MBOAT2: variants seen among roughly 807,000 people sequenced by gnomAD.
MBOAT2 encodes the protein membrane-bound glycerophospholipid O-acyltransferase 2.
A neutral mutation model predicts 63.4 loss-of-function variants in MBOAT2; 28 were observed. The ratio of observed to expected loss-of-function variants is 0.44; its 90% CI spans 0.33 to 0.61. The LOEUF is 0.61. MBOAT2 is among the 20% of genes least tolerant of loss of function. The pLI, the probability that MBOAT2 is intolerant of heterozygous loss-of-function variation, is 0.03. For synonymous variants in MBOAT2, 211 were observed against 215.6 expected (o/e 0.98, Z 0.19); for missense variants, 470 against 605.8 (o/e 0.78, Z 2.35).
chr2:8,928,555 A>G (rs1027377858), intron 3 of MBOAT2, among the ~76,000 whole-genome samples: 3 of 152,222 alleles, frequency 2.0e-5, no homozygotes, highest in African/African-American at 4.8e-5. Context: ...CATAACTTAC[A>G]TAAATAATAG....
chr2:8,906,347 G>A (rs1209045110), intron 4 of MBOAT2, among the ~76,000 whole-genome samples: 1 of 152,152 alleles, frequency 6.6e-6, no homozygotes, highest in Non-Finnish European at 1.5e-5. Context: ...TGATCTATGA[G>A]GCCACGTGAC....
At chr2:8,984,095 T>C (rs1049940916) in intron 1 of MBOAT2, among the ~76,000 whole-genome samples, 1 of 152,098 alleles carries the variant, frequency 6.6e-6, no homozygotes, top group African/African-American at 2.4e-5. Flanking sequence ...ATAACATACC[T>C]CACATGTGAA....
At chr2:8,897,607 G>T (rs138830552) in intron 4 of MBOAT2, among the ~76,000 whole-genome samples, 1 of 152,340 alleles carries the variant, frequency 6.6e-6, no homozygotes, top group Non-Finnish European at 1.5e-5. Context: ...GTCCCTGGGG[G>T]AAGAGGCTTA....
At chr2:8,883,780 ATC>A (rs1404807986) in intron 5 of MBOAT2, among the ~76,000 whole-genome samples, 1 of 152,216 alleles carries the variant, frequency 6.6e-6, no homozygotes, top group African/African-American at 2.4e-5. Context: ...TATGACAAGG[ATC>A]ATCACAACTT....
At chr2:8,924,706 C>T (rs1445629867) in intron 3 of MBOAT2, among the ~76,000 whole-genome samples, 2 of 139,422 alleles carry the variant, frequency 1.4e-5, no homozygotes, top group Non-Finnish European at 3.1e-5. Flanking sequence ...GGTTCAGCTG[C>T]TTTTTTTTTT....
intron 3 of MBOAT2, among the ~76,000 whole-genome samples, chr2:8,929,086 G>A (rs749390834): frequency 1.4e-4 from 22 of 152,086 alleles, no homozygotes; most frequent in Non-Finnish European, 3.1e-4. Context: ...TATGTCAGCA[G>A]ACACAAAAAT....
In MBOAT2 at chr2:8,908,605, A is replaced by G. The variant is rs148285562; in HGVS notation, c.395+16T>C. On this transcript the variant is annotated intron_variant, in intron 4 of 12. Coordinates refer to ENST00000305997, the MANE Select transcript of MBOAT2 (RefSeq NM_138799.4). ...AATGGATAAAACAGGCTACTGAATC[A>G]AAGTTTTCATCTTACCCTGAAAAAT... The G allele has an allele frequency of 7.4e-6, 11 of 1,495,730 alleles. No homozygotes were observed. Among genetic ancestry groups the G allele is most frequent in the African/African-American group, 4.2e-5 (3 of 72,078 alleles). 92.7% of individuals were successfully genotyped at this position (1,495,730 alleles called of 1,614,324 possible).
chr2:8,970,688 A>T (rs181863545), intron 1 of MBOAT2, among the ~76,000 whole-genome samples: 4,736 of 152,276 alleles, frequency 0.031, 119 homozygotes, highest in Non-Finnish European at 0.047. Flanking sequence ...GATAAAGGGG[A>T]TATCACCACC....
At position 8,966,499 on chromosome 2, in the gene MBOAT2, C is replaced by A. The variant is rs917800117; in HGVS notation, c.76-7857G>T. Among the ~76,000 whole-genome samples, 6 of 152,256 alleles carry A rather than the reference C, an allele frequency of 3.9e-5. No homozygotes were observed. In the South Asian group the frequency reaches 8.3e-4, roughly 21 times the overall value. On this transcript the variant is annotated intron_variant, in intron 1 of 12. Transcript: ENST00000305997. ...TTTTATTCCCCAGTCTGAAATGAGACCTTGAATTATTTTTTTTGTTTTTAA... is the reference window on the plus strand; with the variant it reads ...TTTTATTCCCCAGTCTGAAATGAGAACTTGAATTATTTTTTTTGTTTTTAA...
chr2:8,902,988 C>T (rs1367502972), intron 4 of MBOAT2, among the ~76,000 whole-genome samples: 1 of 152,088 alleles, frequency 6.6e-6, no homozygotes, highest in African/African-American at 2.4e-5. Flanking sequence ...CTGATTGGTC[C>T]GTTTTATAGA....
At chr2:8,966,057 T>C (rs1207864990) in intron 1 of MBOAT2, among the ~76,000 whole-genome samples, 1 of 152,196 alleles carries the variant, frequency 6.6e-6, no homozygotes, top group Non-Finnish European at 1.5e-5. Flanking sequence ...AACATATTCT[T>C]AACCAGTCCC....
intron 1 of MBOAT2, among the ~76,000 whole-genome samples, chr2:8,979,498 T>C (rs1413046305): frequency 7.2e-5 from 11 of 152,126 alleles, no homozygotes. Context: ...GTGATTCTTA[T>C]CTGTTTTGTT....
At chr2:8,887,926 C>T in intron 5 of MBOAT2, 92 bp downstream of exon 5, 1 of 1,171,242 alleles carries the variant, frequency 8.5e-7, no homozygotes, top group Non-Finnish European at 1.3e-6. Flanking sequence ...CATTTCCTTA[C>T]TCTAATAGCA....
intron 8 of MBOAT2, among the ~76,000 whole-genome samples, chr2:8,870,678 T>C (rs1662247220): frequency 6.6e-6 from 1 of 152,220 alleles, no homozygotes; most frequent in South Asian, 2.1e-4. Context: ...TACCAGGAAC[T>C]CAACCATTAC....
At chr2:8,869,379 T>C (rs1462670099) in intron 8 of MBOAT2, among the ~76,000 whole-genome samples, 1 of 152,140 alleles carries the variant, frequency 6.6e-6, no homozygotes, top group Non-Finnish European at 1.5e-5. Flanking sequence ...TTCACCACAA[T>C]GCTCAATTAG....
Position 8,900,219 on chromosome 2 carries a change from TG to T in MBOAT2, c.395+8401del, listed in dbSNP as rs533171041. Among the ~76,000 whole-genome samples the T allele has an allele frequency of 2.4e-3, 364 of 152,300 alleles. 2 individuals are homozygous for T. The highest frequency in any genetic ancestry group is 8.3e-3 in the African/African-American group (345 of 41,548). On this transcript the variant is annotated intron_variant, in intron 4 of 12. Transcript: ENST00000305997. ...TTGAGGTCCCAGTGGAGATCCATAC[TG>T]GGGATGGCTTGCTGACCAGTAGGGA...
At chr2:8,859,723 A>G (rs1320297434) in intron 12 of MBOAT2, among the ~76,000 whole-genome samples, 1 of 152,244 alleles carries the variant, frequency 6.6e-6, no homozygotes, top group Non-Finnish European at 1.5e-5. Context: ...TTGATCTCTA[A>G]AATATCACCA....
chr2:8,858,528 T>C lies in MBOAT2; in HGVS notation c.*151A>G, dbSNP rs1356563713. ...ATGGGAGGGCTTGTTTCACTCCATT[T>C]CCAATCTGGTGTACAGGAAATTCCT... On this transcript the variant is annotated 3_prime_UTR_variant, in exon 13 of 13. Coordinates refer to ENST00000305997, the MANE Select transcript of MBOAT2 (RefSeq NM_138799.4). 1.7e-6 allele frequency: 1 copy of C among 596,838 alleles called. No individual in the cohort carries two copies. Among genetic ancestry groups the C allele is most frequent in the Non-Finnish European group, 2.9e-6 (1 of 344,874 alleles). The allele number at this position is 596,838 out of a possible 1,614,324, so 37.0% of individuals were successfully genotyped here.
chr2:8,998,061 T>C (rs1672429319), intron 1 of MBOAT2, among the ~76,000 whole-genome samples: 1 of 152,230 alleles, frequency 6.6e-6, no homozygotes, highest in South Asian at 2.1e-4. Flanking sequence ...CCAAAAAGAA[T>C]TTGGGCAGCT....
Sources: gnomAD v4.1 joint callset for allele counts (sites outside exome capture counted in the v4.1 genomes callset) on GRCh38, gnomAD v4.1.1 for gene constraint, MANE v1.5 for transcripts, NCBI Gene and HGNC (gene_info 2026-07-23, HGNC 2026-07-21) for gene names.